GPC6: variants seen among roughly 807,000 people sequenced by gnomAD.
GPC6 encodes the protein glypican 6, also known as glypican-6.
Under a neutral mutation model 55.2 loss-of-function variants are expected in GPC6, and 14 were observed. The observed-to-expected ratio is 0.25, with a 90% CI of 0.17 to 0.40. GPC6 has a LOEUF of 0.40. Among genes scored for constraint, GPC6 ranks in the 10% least tolerant of loss-of-function variants. The probability of loss-of-function intolerance (pLI) is 1.00; values close to 1 mark genes in which losing one functional copy is unlikely to be tolerated. For missense variants in GPC6, 641 were observed against 708.5 expected (o/e 0.90, Z 1.08); for synonymous variants, 278 against 259.6 (o/e 1.07, Z -0.68).
chr13:94,255,571 C>T (rs1363323990), intron 4 of GPC6, among the ~76,000 whole-genome samples: 1 of 152,008 alleles, frequency 6.6e-6, no homozygotes, highest in Non-Finnish European at 1.5e-5. Flanking sequence ...CTAAATTGTC[C>T]CTCCTCTTTT....
chr13:94,402,926 G>A (rs987340808), intron 8 of GPC6, 89 bp from the exon 9 acceptor site: 1 of 955,566 alleles, frequency 1.0e-6, no homozygotes, highest in Non-Finnish European at 1.7e-6. Flanking sequence ...GGGATTATGG[G>A]GATTACAATT....
At chr13:93,633,699 TA>T (rs1879577274) in intron 2 of GPC6, among the ~76,000 whole-genome samples, 1 of 142,402 alleles carries the variant, frequency 7.0e-6, no homozygotes, top group Non-Finnish European at 1.6e-5. Context: ...GCCACAAAAC[TA>T]AATTTAAAAA....
Position 93,731,344 on chromosome 13 carries a change from C to T in GPC6, c.320-98810C>T, listed in dbSNP as rs185116553. 2.1e-3 allele frequency among the ~76,000 whole-genome samples: 315 copies of T among 152,194 alleles called. 2 individuals carry two copies. Among genetic ancestry groups the T allele is most frequent in the African/African-American group, 7.3e-3 (304 of 41,540 alleles). The stretch of plus-strand genomic sequence containing the variant: ...CTTGCCAGATTGCTCCTCACCGTGG[C>T]AATGATGTCTATGGGGAGAATCTGT... On this transcript the variant is annotated intron_variant, in intron 2 of 8. Coordinates refer to ENST00000377047, the MANE Select transcript of GPC6 (RefSeq NM_005708.5).
chr13:94,356,554 C>T (rs1381100174), intron 6 of GPC6, among the ~76,000 whole-genome samples: 1 of 152,192 alleles, frequency 6.6e-6, no homozygotes, highest in Non-Finnish European at 1.5e-5. Context: ...AAACTCAGCT[C>T]GCTTCTCTAA....
At chr13:94,042,560 C>T (rs1237509886) in intron 4 of GPC6, among the ~76,000 whole-genome samples, 1 of 151,794 alleles carries the variant, frequency 6.6e-6, no homozygotes, top group African/African-American at 2.4e-5. Context: ...TTCCTTATCT[C>T]TTATGACCTT....
intron 3 of GPC6, among the ~76,000 whole-genome samples, chr13:93,841,775 A>C (rs1293381984): frequency 6.6e-6 from 1 of 152,206 alleles, no homozygotes; most frequent in Non-Finnish European, 1.5e-5. Flanking sequence ...GTCATATTTA[A>C]TACTGAACAG....
In GPC6 at chr13:93,314,715, GTGTGT is replaced by G. The variant is rs1222222067; in HGVS notation, c.160+87100_160+87104del. 5.7e-4 allele frequency among the ~76,000 whole-genome samples: 15 copies of G among 26,508 alleles called. No individual in the cohort carries two copies. The East Asian group carries it at 9.5e-3, about 17-fold the overall frequency. The allele number at this position is 26,508 out of a possible 152,430, so 17.4% of individuals were successfully genotyped here. ...AATTAGATAGAAAACAAGGAGGGGT[GTGTGT>G]GTGTGTGTGTGTGTGTGTGTGTGTG... is the stretch of plus-strand genomic sequence containing the variant. On this transcript the variant is annotated intron_variant, in intron 1 of 8. Coordinates refer to ENST00000377047, the MANE Select transcript of GPC6 (RefSeq NM_005708.5).
At chr13:93,415,288 C>T (rs1336826960) in intron 1 of GPC6, among the ~76,000 whole-genome samples, 1 of 151,902 alleles carries the variant, frequency 6.6e-6, no homozygotes, top group Non-Finnish European at 1.5e-5. Context: ...ATATCCTATT[C>T]ATATATATAT....
At chr13:94,149,557 G>C (rs1887667182) in intron 4 of GPC6, among the ~76,000 whole-genome samples, 2 of 152,094 alleles carry the variant, frequency 1.3e-5, no homozygotes, top group Admixed American at 1.3e-4. Flanking sequence ...AGGGACTTCT[G>C]GTGAAACAGA....
intron 1 of GPC6, chr13:93,395,041 G>C (rs891140849): frequency 7.9e-6 from 2 of 254,076 alleles, no homozygotes; most frequent in Admixed American, 7.8e-5. Flanking sequence ...CTCCCTTCAT[G>C]GGTCCAAAAT....
intron 4 of GPC6, among the ~76,000 whole-genome samples, chr13:94,036,460 T>C (rs931989038): frequency 2.6e-5 from 4 of 152,050 alleles, no homozygotes; most frequent in African/African-American, 9.7e-5. Flanking sequence ...CAGGGATATA[T>C]CTGTATGCAT....
intron 2 of GPC6, among the ~76,000 whole-genome samples, chr13:93,753,547 G>A (rs1446485960): frequency 5.9e-5 from 9 of 152,060 alleles, no homozygotes; most frequent in East Asian, 3.9e-4. Context: ...TGAAGAATGC[G>A]GTATCCATCT....
Position 94,357,383 on chromosome 13 carries a change from T to C in GPC6, c.1153-25031T>C, listed in dbSNP as rs563444425. 7.6e-4 allele frequency among the ~76,000 whole-genome samples: 115 copies of C among 152,262 alleles called. 1 individual carries two copies. Among genetic ancestry groups the C allele is most frequent in the African/African-American group, 2.6e-3 (106 of 41,556 alleles). On this transcript the variant is annotated intron_variant, in intron 6 of 8. Coordinates refer to ENST00000377047, the MANE Select transcript of GPC6 (RefSeq NM_005708.5). ...ACAGAGAGACCCCTGTGGGAGCTTC[T>C]CCCTAGAGCCCCTACTTGGCAGACC...
chr13:93,859,987 TTTTA>T (rs1225397776), intron 3 of GPC6, among the ~76,000 whole-genome samples: 5 of 151,708 alleles, frequency 3.3e-5, no homozygotes, highest in Non-Finnish European at 7.4e-5. Flanking sequence ...TCTGGCTGTA[TTTTA>T]TTTCTTTACA....
At chr13:94,107,398 G>C (rs1019288359) in intron 4 of GPC6, among the ~76,000 whole-genome samples, 1 of 151,982 alleles carries the variant, frequency 6.6e-6, no homozygotes, top group Non-Finnish European at 1.5e-5. Flanking sequence ...TTCTACATTT[G>C]CTGGCCTGTG....
At chr13:93,368,567 T>A (rs889496391) in intron 1 of GPC6, among the ~76,000 whole-genome samples, 2 of 151,966 alleles carry the variant, frequency 1.3e-5, no homozygotes, top group African/African-American at 4.8e-5. Context: ...TCCTCAGACC[T>A]CTAACTTCAG....
intron 1 of GPC6, among the ~76,000 whole-genome samples, chr13:93,450,969 A>C (rs1878203805): frequency 1.3e-5 from 2 of 152,204 alleles, no homozygotes; most frequent in African/African-American, 4.8e-5. Flanking sequence ...AGGTTGTTAA[A>C]ATAATCTAAG....
intron 3 of GPC6, among the ~76,000 whole-genome samples, chr13:93,897,529 C>T (rs7997761): frequency 0.23 from 35,646 of 151,902 alleles, 4,703 homozygotes; most frequent in East Asian, 0.34. Context: ...GTAACTACAG[C>T]ATATACCAAT....
intron 4 of GPC6, among the ~76,000 whole-genome samples, chr13:94,247,569 A>G (rs561067670): frequency 1.3e-5 from 2 of 152,238 alleles, no homozygotes; most frequent in African/African-American, 4.8e-5. Context: ...AGTATGTTGA[A>G]CTTTGTTACA....
Sources: gnomAD v4.1 joint callset for allele counts (sites outside exome capture counted in the v4.1 genomes callset) on GRCh38, gnomAD v4.1.1 for gene constraint, MANE v1.5 for transcripts, NCBI Gene and HGNC (gene_info 2026-07-23, HGNC 2026-07-21) for gene names.